The following TBC1D9 variants were observed in gnomAD, a reference collection of about 807,000 sequenced individuals.
The protein encoded by TBC1D9 is TBC1 domain family member 9, also known as TBC1 domain family member 9A.
TBC1D9 carries 63 observed loss-of-function variants against 132.0 expected under a neutral mutation model. The ratio of observed to expected loss-of-function variants is 0.48; its 90% confidence interval spans 0.39 to 0.59. The LOEUF is 0.59. Among genes scored for constraint, TBC1D9 ranks in the 20% least tolerant of loss-of-function variants. TBC1D9 has a pLI of 0.00. For missense variants in TBC1D9, 1,261 were observed against 1,592.7 expected (o/e 0.79, Z 3.54); for synonymous variants, 610 against 609.9 (o/e 1.00, Z 0.00).
chr4:140,702,525 C>A (rs565801770), intron 1 of TBC1D9, among the ~76,000 whole-genome samples: 2 of 152,282 alleles, frequency 1.3e-5, no homozygotes, highest in Non-Finnish European at 1.5e-5. Flanking sequence ...TCCAGCCATG[C>A]GGAGAACGCA....
At chr4:140,716,506 T>A (rs1443478107) in intron 1 of TBC1D9, among the ~76,000 whole-genome samples, 2 of 151,740 alleles carry the variant, frequency 1.3e-5, no homozygotes, top group Non-Finnish European at 2.9e-5. Flanking sequence ...GAAAAAAAAA[T>A]ATCAATAATG....
intron 1 of TBC1D9, among the ~76,000 whole-genome samples, chr4:140,744,737 G>T (rs1057460193): frequency 2.6e-4 from 40 of 152,094 alleles, no homozygotes; most frequent in African/African-American, 8.7e-4. Flanking sequence ...TACAAAATTA[G>T]CTGGGTGTGG....
At chr4:140,734,903 C>T (rs1738650211) in intron 1 of TBC1D9, among the ~76,000 whole-genome samples, 1 of 152,176 alleles carries the variant, frequency 6.6e-6, no homozygotes, top group African/African-American at 2.4e-5. Flanking sequence ...GGAGGAATCA[C>T]TCCCATTTTC....
intron 2 of TBC1D9, among the ~76,000 whole-genome samples, chr4:140,692,742 G>A (rs1173995563): frequency 2.6e-5 from 4 of 152,226 alleles, no homozygotes; most frequent in Admixed American, 2.0e-4. Context: ...CAAACAGACC[G>A]GGCACGGTGG....
intron 9 of TBC1D9, among the ~76,000 whole-genome samples, chr4:140,664,553 T>C (rs1737414183): frequency 6.6e-6 from 1 of 152,052 alleles, no homozygotes; most frequent in Non-Finnish European, 1.5e-5. Context: ...GACTCACACT[T>C]CCCAATTTTA....
At chr4:140,632,880 G>A (rs1001285616) in intron 16 of TBC1D9, among the ~76,000 whole-genome samples, 5 of 152,166 alleles carry the variant, frequency 3.3e-5, no homozygotes, top group African/African-American at 1.2e-4. Flanking sequence ...TTACACCTAA[G>A]AGCTGTTGTT....
rs1578815433 is a variant in TBC1D9, at chr4:140,634,036, G to A, written c.2658C>T (p.His886=). The stretch of plus-strand genomic sequence containing the variant: ...ACAAGCGGGAGGCCAGAACGTCAGA[G>A]TGAGTTCCACATGCCCAAGGAAAGA... ...ALLFPWACGT[H]SDVLASRLFQ... is the part of the protein sequence containing the mutation. Residue 886 remains histidine (H), a synonymous_variant, in exon 16 of 21, where the codon CAC becomes CAT. Transcript: ENST00000442267. 1.2e-6 allele frequency: 2 copies of A among 1,613,990 alleles called. No individual in the cohort carries two copies. The highest frequency in any genetic ancestry group is 2.2e-5 in the East Asian group (1 of 44,886).
intron 1 of TBC1D9, among the ~76,000 whole-genome samples, chr4:140,718,953 T>C (rs1738381112): frequency 6.6e-6 from 1 of 151,886 alleles, no homozygotes; most frequent in African/African-American, 2.4e-5. Flanking sequence ...TTTTAGTCTC[T>C]ACTAAAAATA....
At chr4:140,694,522 G>C (rs1478135906) in intron 2 of TBC1D9, among the ~76,000 whole-genome samples, 5 of 146,746 alleles carry the variant, frequency 3.4e-5, no homozygotes, top group Admixed American at 1.4e-4. Context: ...AGTAGGCCGA[G>C]ATCGTGCCAC....
chr4:140,730,213 T>C (rs1738565363), intron 1 of TBC1D9, among the ~76,000 whole-genome samples: 1 of 152,230 alleles, frequency 6.6e-6, no homozygotes. Context: ...GGGACCATCA[T>C]GAGTAGCTCT....
At chr4:140,714,807 G>A (rs1237794512) in intron 1 of TBC1D9, among the ~76,000 whole-genome samples, 1 of 152,122 alleles carries the variant, frequency 6.6e-6, no homozygotes, top group Non-Finnish European at 1.5e-5. Flanking sequence ...GAGTCAGGTT[G>A]GAATTAGGCA....
chr4:140,747,106 G>C (rs1379709671), intron 1 of TBC1D9, among the ~76,000 whole-genome samples: 1 of 152,092 alleles, frequency 6.6e-6, no homozygotes, highest in Admixed American at 6.5e-5. Flanking sequence ...CCAGCACTTT[G>C]GGAGGCCTAA....
intron 1 of TBC1D9, among the ~76,000 whole-genome samples, chr4:140,749,321 C>A (rs968162242): frequency 4.9e-4 from 74 of 152,042 alleles, no homozygotes; most frequent in Middle Eastern, 3.4e-3. Flanking sequence ...GAATATAAAA[C>A]TTCTAGCTAA....
intron 1 of TBC1D9, among the ~76,000 whole-genome samples, chr4:140,739,027 T>C (rs1738718706): frequency 1.3e-5 from 2 of 152,240 alleles, no homozygotes; most frequent in Non-Finnish European, 2.9e-5. Context: ...TGTTTTGCTT[T>C]TTGAGATGGA....
intron 2 of TBC1D9, among the ~76,000 whole-genome samples, chr4:140,688,255 A>C (rs1009244832): frequency 6.6e-6 from 1 of 152,214 alleles, no homozygotes; most frequent in Non-Finnish European, 1.5e-5. Context: ...ATGTCATGGC[A>C]AGACCTTGAA....
rs1166467463 is a variant in TBC1D9, at chr4:140,643,665, A to T, written c.2338-4237T>A. 3.4e-5 allele frequency: 38 copies of T among 1,118,330 alleles called. No individual in the cohort carries two copies. In the East Asian group the frequency reaches 9.6e-4, roughly 28 times the overall value. The allele number at this position is 1,118,330 out of a possible 1,614,324, so 69.3% of individuals were successfully genotyped here. A position where few individuals can be genotyped will look rare whatever the true frequency, so the allele number is the denominator to read the frequency against. Reference sequence around the variant, plus strand: ...CTCCACTGGCTCCTCCTTGGCCTCCACTAGCGTCTCGGGTGTCAGCTGCAC... The same window carrying T: ...CTCCACTGGCTCCTCCTTGGCCTCCTCTAGCGTCTCGGGTGTCAGCTGCAC... On this transcript the variant is annotated intron_variant, in intron 13 of 20. Transcript: ENST00000442267.
intron 3 of TBC1D9, among the ~76,000 whole-genome samples, chr4:140,683,680 A>T (rs1737740012): frequency 6.6e-6 from 1 of 152,150 alleles, no homozygotes; most frequent in African/African-American, 2.4e-5. Context: ...CAAAGACAAA[A>T]CTAAAACATT....
intron 9 of TBC1D9, among the ~76,000 whole-genome samples, chr4:140,668,252 A>G (rs1267569010): frequency 2.0e-5 from 3 of 152,236 alleles, no homozygotes; most frequent in African/African-American, 7.2e-5. Context: ...CTGATGTGAC[A>G]GAATGATGGA....
intron 1 of TBC1D9, among the ~76,000 whole-genome samples, chr4:140,717,482 T>C (rs924843547): frequency 6.6e-6 from 1 of 152,226 alleles, no homozygotes. Context: ...CTTTTAGACA[T>C]GACTCAGCTT....
Sources: allele counts gnomAD v4.1 joint callset (sites outside exome capture counted in the v4.1 genomes callset), GRCh38; gene constraint gnomAD v4.1.1; transcripts MANE v1.5; gene names NCBI Gene and HGNC (gene_info 2026-07-23, HGNC 2026-07-21).